The following BSDC1 variants were observed in gnomAD, a reference collection of about 807,000 sequenced individuals.
The protein encoded by BSDC1 is BSD domain-containing protein 1.
Under a neutral mutation model 56.0 loss-of-function variants are expected in BSDC1, and 29 were observed. The observed-to-expected ratio is 0.52, with a 90% confidence interval of 0.39 to 0.71. The LOEUF (loss-of-function observed/expected upper bound fraction) is 0.71, where lower values mean the gene tolerates loss of function less well. Among genes scored for constraint, BSDC1 ranks in the 30% least tolerant of loss-of-function variants. The probability of loss-of-function intolerance (pLI) is 0.00; values close to 1 mark genes in which losing one functional copy is unlikely to be tolerated. For synonymous variants in BSDC1, 210 were observed against 215.3 expected (o/e 0.98, Z 0.21); for missense variants, 477 against 548.5 (o/e 0.87, Z 1.30).
chr1:32,382,867 CAAAAAAAAA>C (rs760141230), intron 4 of BSDC1, among the ~76,000 whole-genome samples: 1 of 47,106 alleles, frequency 2.1e-5, no homozygotes, highest in East Asian at 7.5e-4. Context: ...GAGACCGTCT[CAAAAAAAAA>C]AAAAAAAAAA....
chr1:32,389,317 G>A (rs1031860271), intron 2 of BSDC1, among the ~76,000 whole-genome samples: 5 of 152,214 alleles, frequency 3.3e-5, no homozygotes, highest in African/African-American at 1.2e-4. Context: ...CAGGTCCTAT[G>A]TGTTTTGTTC....
chr1:32,388,882 T>C (rs1642761853), intron 2 of BSDC1, among the ~76,000 whole-genome samples: 4 of 152,056 alleles, frequency 2.6e-5, no homozygotes, highest in Admixed American at 2.6e-4. Context: ...CTATGCTTCA[T>C]TTCCCTAGAG....
intron 9 of BSDC1, among the ~76,000 whole-genome samples, chr1:32,369,562 C>T (rs1234273216): frequency 6.6e-6 from 1 of 152,172 alleles, no homozygotes; most frequent in Non-Finnish European, 1.5e-5. Context: ...TCTTCTTCCT[C>T]ACTCCATTCT....
At chr1:32,375,972 A>C (rs953762349) in intron 9 of BSDC1, among the ~76,000 whole-genome samples, 14 of 152,230 alleles carry the variant, frequency 9.2e-5, no homozygotes, top group Non-Finnish European at 1.5e-4. Flanking sequence ...GAGGACAATA[A>C]TACTGAGAAA....
At chr1:32,393,389 G>C (rs1417359588) in intron 2 of BSDC1, among the ~76,000 whole-genome samples, 3 of 152,206 alleles carry the variant, frequency 2.0e-5, no homozygotes, top group Non-Finnish European at 4.4e-5. Flanking sequence ...AGGCACCAGT[G>C]TGTATGGCTC....
Position 32,378,859 on chromosome 1 carries a change from G to T in BSDC1, c.413-20C>A. On this transcript the variant is annotated intron_variant, in intron 5 of 10. Transcript: ENST00000455895. The surrounding 1 kb of genome is among the most constrained non-coding windows in gnomAD (Gnocchi z 5.2). ...GGGGCCCTGCAGAGGGACAGATGCT[G>T]ACGGTCAGTTGCCTTGGTCTGGGAA... The T allele has an allele frequency of 2.8e-6, 4 of 1,446,700 alleles. No homozygotes were observed. The highest frequency in any genetic ancestry group is 5.3e-5 in the East Asian group (2 of 37,568). The allele number at this position is 1,446,700 out of a possible 1,614,324, so 89.6% of individuals were successfully genotyped here. A position where few individuals can be genotyped will look rare whatever the true frequency, so the allele number is the denominator to read the frequency against.
rs150963407 is a variant in BSDC1, at chr1:32,378,227, A to T, written c.585T>A (p.His195Gln). ...TAGACCAGCATACCTGCTCTAACTG[A>T]TGGACTTTATAGAAATACCGATGCC... ...EFWHRYFYKV[H>Q]QLEQEQARRD... The change falls in exon 7 of 11, where the codon CAT becomes CAA. Residue 195 changes from histidine (H) to glutamine (Q), a missense_variant. Coordinates refer to ENST00000455895, the MANE Select transcript of BSDC1 (RefSeq NM_018045.8). The surrounding 1 kb of genome is among the most constrained non-coding windows in gnomAD (Gnocchi z 5.2). 3 of 1,614,070 alleles carry T rather than the reference A, an allele frequency of 1.9e-6. No individual in the cohort carries two copies. The highest frequency in any genetic ancestry group is 2.5e-6 in the Non-Finnish European group (3 of 1,180,024).
chr1:32,383,966 A>G lies in BSDC1; in HGVS notation c.221T>C (p.Met74Thr). The G allele has an allele frequency of 6.2e-7, 1 of 1,613,166 alleles. No individual in the cohort carries two copies. The highest frequency in any genetic ancestry group is 8.5e-7 in the Non-Finnish European group (1 of 1,180,030). The change falls in exon 4 of 11, where the codon ATG becomes ACG. Residue 74 changes from methionine (M) to threonine (T), a missense_variant. Met to Thr is a moderately conservative substitution (Grantham distance 81). Transcript: ENST00000455895. The stretch of plus-strand genomic sequence containing the variant: ...TAGGAAGTCAGATAACCCTTTCTTC[A>G]TCTTCTCTGTTGCTCCTGAGGAGCC... ...TEGSSGATEK[M>T]KKGLSDFLGV...
At chr1:32,372,082 G>C (rs1244700508) in intron 9 of BSDC1, among the ~76,000 whole-genome samples, 6 of 152,152 alleles carry the variant, frequency 3.9e-5, no homozygotes. Context: ...AGAAACAATG[G>C]TGTTAGAATT....
intron 5 of BSDC1, among the ~76,000 whole-genome samples, chr1:32,379,230 G>C (rs1209090472): frequency 6.6e-6 from 1 of 151,748 alleles, no homozygotes; most frequent in Admixed American, 6.6e-5. Context: ...CGTCTCTCCT[G>C]GTTTCTCACT....
At chr1:32,371,528 T>G (rs191435936) in intron 9 of BSDC1, among the ~76,000 whole-genome samples, 298 of 152,138 alleles carry the variant, frequency 2.0e-3, no homozygotes, top group African/African-American at 7.0e-3. Flanking sequence ...GCCAGGATGG[T>G]CTCGATCTCC....
At chr1:32,387,444 C>T (rs1389158603) in intron 2 of BSDC1, among the ~76,000 whole-genome samples, 4 of 151,902 alleles carry the variant, frequency 2.6e-5, no homozygotes, top group African/African-American at 7.3e-5. Context: ...CGGGTTCAAG[C>T]GATTTTCGTG....
intron 4 of BSDC1, among the ~76,000 whole-genome samples, chr1:32,383,232 T>G (rs1642548721): frequency 6.6e-6 from 1 of 152,110 alleles, no homozygotes; most frequent in Non-Finnish European, 1.5e-5. Context: ...CACTTGAGCC[T>G]AGGCATTTGA....
chr1:32,394,333 G>A, intron 1 of BSDC1, 71 bp downstream of exon 1: 2 of 1,610,462 alleles, frequency 1.2e-6, no homozygotes, highest in Admixed American at 3.3e-5. Flanking sequence ...TCCCCACCGG[G>A]ACTCTCGCCC....
At chr1:32,385,781 C>G (rs1642643081) in intron 3 of BSDC1, among the ~76,000 whole-genome samples, 1 of 152,066 alleles carries the variant, frequency 6.6e-6, no homozygotes, top group Admixed American at 6.5e-5. Context: ...TAAGTTGGTA[C>G]AACATTTCTG....
At chr1:32,374,650 C>T (rs1642210687) in intron 9 of BSDC1, 1 of 152,284 alleles carries the variant, frequency 6.6e-6, no homozygotes, top group Non-Finnish European at 1.5e-5. Flanking sequence ...TGTAGGCCTC[C>T]TCAGCTTAGA....
chr1:32,382,649 C>G (rs1434691396), intron 4 of BSDC1, among the ~76,000 whole-genome samples: 1 of 149,718 alleles, frequency 6.7e-6, no homozygotes, highest in African/African-American at 2.5e-5. Flanking sequence ...TCACTTGAGC[C>G]CAGGGGTTTG....
At position 32,386,871 on chromosome 1, in the gene BSDC1, T is replaced by G; in HGVS notation, c.97A>C (p.Lys33Gln). ...TGGGTAAACTCCGTCAGGTCCCGCT[T>G]CATAAACTCCAAGGCTTCAGAGGAC... ...EKSSEALEFM[K>Q]RDLTEFTQVV... The change falls in exon 3 of 11, where the codon AAG becomes CAG. Residue 33 changes from lysine (K) to glutamine (Q), a missense_variant. By Grantham distance (53) the Lys-to-Gln change is moderately conservative (BLOSUM62 1). Coordinates refer to ENST00000455895, the MANE Select transcript of BSDC1 (RefSeq NM_018045.8). The G allele has an allele frequency of 1.9e-6, 3 of 1,612,242 alleles. No individual in the cohort carries two copies. Among genetic ancestry groups the G allele is most frequent in the Non-Finnish European group, 2.5e-6 (3 of 1,180,012 alleles).
At chr1:32,382,057 T>G (rs1442014305) in intron 4 of BSDC1, among the ~76,000 whole-genome samples, 1 of 151,816 alleles carries the variant, frequency 6.6e-6, no homozygotes, top group Non-Finnish European at 1.5e-5. Flanking sequence ...TGAAACCCCA[T>G]CTCTACTAAA....
Sources: allele counts gnomAD v4.1 joint callset (sites outside exome capture counted in the v4.1 genomes callset), GRCh38; gene constraint gnomAD v4.1.1; non-coding constraint Gnocchi (gnomAD v3.1); transcripts MANE v1.5; gene names NCBI Gene and HGNC (gene_info 2026-07-23, HGNC 2026-07-21).